The following SLC23A2 variants were observed in gnomAD, a reference collection of about 807,000 sequenced individuals.
SLC23A2 encodes solute carrier family 23 member 2.
In SLC23A2, 36 loss-of-function variants were observed where a neutral mutation model predicts 73.3. The observed-to-expected ratio is 0.49, with a 90% CI of 0.38 to 0.65. The LOEUF (loss-of-function observed/expected upper bound fraction) is 0.65. Ranked by LOEUF, SLC23A2 falls within the 30% of genes least tolerant of loss-of-function variation. The pLI is 0.00. For missense variants in SLC23A2, 507 were observed against 841.6 expected (o/e 0.60, Z 4.92); for synonymous variants, 343 against 327.3 (o/e 1.05, Z -0.52).
chr20:4,951,187 G>C (rs994861006), intron 2 of SLC23A2, among the ~76,000 whole-genome samples: 1 of 152,176 alleles, frequency 6.6e-6, no homozygotes, highest in Non-Finnish European at 1.5e-5. Flanking sequence ...CCCACAGTTG[G>C]AATAAAGGAA....
intron 11 of SLC23A2, 74 bp downstream of exon 11, chr20:4,873,862 G>C: frequency 1.4e-6 from 2 of 1,447,666 alleles, no homozygotes; most frequent in Non-Finnish European, 1.9e-6. Flanking sequence ...AAAGACGGCT[G>C]TTCTGCCAAA....
intron 2 of SLC23A2, among the ~76,000 whole-genome samples, chr20:4,945,263 C>CTTG (rs2087102229): frequency 6.6e-6 from 1 of 152,134 alleles, no homozygotes; most frequent in East Asian, 1.9e-4. Context: ...ATCCTGCAGT[C>CTTG]TTCTCCAAAA....
At chr20:4,870,226 G>A (rs1236410078) in intron 11 of SLC23A2, among the ~76,000 whole-genome samples, 173 bp from the exon 12 acceptor site, 3 of 152,194 alleles carry the variant, frequency 2.0e-5, no homozygotes, top group Non-Finnish European at 4.4e-5. Flanking sequence ...TGGGACAGTT[G>A]CTAAGTCAGA....
In SLC23A2 at chr20:4,862,124, C is replaced by G. The variant is rs773632354; in HGVS notation, c.1487-39G>C. 3.7e-6 allele frequency: 6 copies of G among 1,610,236 alleles called. No individual in the cohort carries two copies. Among genetic ancestry groups the G allele is most frequent in the Non-Finnish European group, 3.4e-6 (4 of 1,177,818 alleles). ...AACCAGACCACAAGCTCCAGCACCA[C>G]TACAGCGGGGACAGCTCAAGGCAGG... On this transcript the variant is annotated intron_variant, in intron 14 of 16. Transcript: ENST00000338244. The surrounding 1 kb of genome is among the most constrained non-coding windows in gnomAD (Gnocchi z 5.1).
At chr20:5,009,993 G>T (rs2088232122) in intron 1 of SLC23A2, among the ~76,000 whole-genome samples, 2 of 151,908 alleles carry the variant, frequency 1.3e-5, no homozygotes, top group East Asian at 3.9e-4. Flanking sequence ...TACTTGGGAG[G>T]CTGAGGCAGG....
chr20:4,999,653 A>G (rs2088085214), intron 1 of SLC23A2, among the ~76,000 whole-genome samples: 2 of 151,952 alleles, frequency 1.3e-5, no homozygotes, highest in Non-Finnish European at 2.9e-5. Context: ...TCAGCCTCCC[A>G]AAGTGCTGGG....
rs796725113 is a variant in SLC23A2 at position 4,899,795 on chromosome 20, T to C, written c.325-83A>G. ...ATTTCATCCTAATTCTTCTCTCTTA[T>C]TGTCGTTAAAAAATAGCCCACATAA... On this transcript the variant is annotated intron_variant, in intron 5 of 16. Transcript: ENST00000338244. The surrounding 1 kb of genome is among the most constrained non-coding windows in gnomAD (Gnocchi z 4.9). The C allele has an allele frequency of 9.9e-6, 14 of 1,410,934 alleles. No homozygotes were observed. The highest frequency in any genetic ancestry group is 2.9e-5 in the African/African-American group (2 of 70,118). 87.4% of individuals were successfully genotyped at this position (1,410,934 alleles called of 1,614,324 possible).
At chr20:4,953,825 G>GTT (rs1208647555) in intron 2 of SLC23A2, among the ~76,000 whole-genome samples, 1 of 152,058 alleles carries the variant, frequency 6.6e-6, no homozygotes, top group African/African-American at 2.4e-5. Context: ...GGAGGCGGAG[G>GTT]TTGCAGTCAG....
intron 7 of SLC23A2, 25 bp downstream of exon 7, chr20:4,885,796 C>T (rs745829649): frequency 3.3e-6 from 5 of 1,512,816 alleles, no homozygotes; most frequent in Non-Finnish European, 4.6e-6. Context: ...ACCCCAATGA[C>T]ATATGTGGAA....
At chr20:4,866,040 C>A (rs1305643995) in intron 13 of SLC23A2, among the ~76,000 whole-genome samples, 2 of 152,060 alleles carry the variant, frequency 1.3e-5, no homozygotes, top group Non-Finnish European at 2.9e-5. Context: ...AACATGTTGG[C>A]CAGGCTGGTC....
At chr20:4,969,935 AT>A (rs906572656) in intron 2 of SLC23A2, among the ~76,000 whole-genome samples, 1 of 152,216 alleles carries the variant, frequency 6.6e-6, no homozygotes, top group Non-Finnish European at 1.5e-5. Flanking sequence ...AAAATTAAAA[AT>A]AATCAAAATG....
chr20:4,884,868 T>C, intron 7 of SLC23A2, 45 bp from the exon 8 acceptor site: 1 of 1,061,734 alleles, frequency 9.4e-7, no homozygotes, highest in Non-Finnish European at 1.4e-6. Context: ...CACTGATGTC[T>C]CACATGACAT....
chr20:4,999,630 C>A (rs1323653703), intron 1 of SLC23A2, among the ~76,000 whole-genome samples: 1 of 150,814 alleles, frequency 6.6e-6, no homozygotes, highest in Admixed American at 6.7e-5. Flanking sequence ...TGGCCTCAAA[C>A]AATCCTCCCA....
Position 4,996,685 on chromosome 20 carries a change from C to CAAAAA in SLC23A2, c.-282+4716_-282+4720dup, listed in dbSNP as rs1555809857. Among the ~76,000 whole-genome samples, 258 of 54,472 alleles carry CAAAAA rather than the reference C, an allele frequency of 4.7e-3. 2 individuals are homozygous for CAAAAA. Among genetic ancestry groups the CAAAAA allele is most frequent in the African/African-American group, 5.8e-3 (80 of 13,790 alleles). 35.7% of individuals were successfully genotyped at this position (54,472 alleles called of 152,430 possible). On this transcript the variant is annotated intron_variant, in intron 1 of 16. Coordinates refer to ENST00000338244, the MANE Select transcript of SLC23A2 (RefSeq NM_005116.6). ...TAGGTGACAGAGCAAGATTCCATCT[C>CAAAAA]AAAAAAAAAAAAAAAAAAAAAAAAC...
chr20:4,867,084 C>T (rs1178780127), intron 13 of SLC23A2, among the ~76,000 whole-genome samples: 4 of 87,678 alleles, frequency 4.6e-5, no homozygotes, highest in African/African-American at 9.1e-5. Flanking sequence ...AAAAAAAAAT[C>T]TGACCAAGCT....
intron 4 of SLC23A2, among the ~76,000 whole-genome samples, chr20:4,908,633 A>G (rs1478837728): frequency 6.6e-6 from 1 of 152,216 alleles, no homozygotes; most frequent in Non-Finnish European, 1.5e-5. Flanking sequence ...CAGTGTTAAG[A>G]ATTGTACTGT....
At chr20:4,918,361 C>T (rs1932394732) in intron 3 of SLC23A2, among the ~76,000 whole-genome samples, 1 of 152,164 alleles carries the variant, frequency 6.6e-6, no homozygotes. Flanking sequence ...ATTGTACAAT[C>T]AATCAGCTAT....
chr20:4,980,596 A>G (rs2087711189), intron 1 of SLC23A2, among the ~76,000 whole-genome samples: 1 of 151,766 alleles, frequency 6.6e-6, no homozygotes, highest in African/African-American at 2.4e-5. Context: ...CAGTGGCACA[A>G]TCTCGGCTCA....
intron 2 of SLC23A2, among the ~76,000 whole-genome samples, chr20:4,969,978 A>G (rs1407263783): frequency 6.6e-6 from 1 of 152,186 alleles, no homozygotes; most frequent in African/African-American, 2.4e-5. Flanking sequence ...GGGAAACAAC[A>G]GAAGGAGGAA....
Sources: gnomAD v4.1 joint callset for allele counts (sites outside exome capture counted in the v4.1 genomes callset) on GRCh38, gnomAD v4.1.1 for gene constraint, Gnocchi (gnomAD v3.1) non-coding constraint, MANE v1.5 for transcripts, NCBI Gene and HGNC (gene_info 2026-07-23, HGNC 2026-07-21) for gene names.